PXN: variants seen among roughly 807,000 people sequenced by gnomAD.
The protein encoded by PXN is testicular tissue protein Li 134.
Under a neutral mutation model 103.6 loss-of-function variants are expected in PXN, and 61 were observed. The ratio of observed to expected loss-of-function variants is 0.59; its 90% CI spans 0.48 to 0.73. PXN has a LOEUF of 0.73. PXN is among the 30% of genes least tolerant of loss of function. The probability of loss-of-function intolerance (pLI) is 0.00; values close to 1 mark genes in which losing one functional copy is unlikely to be tolerated. For synonymous variants in PXN, 562 were observed against 607.8 expected (o/e 0.92, Z 1.11); for missense variants, 1,274 against 1,460.3 (o/e 0.87, Z 2.08).
intron 1 of PXN, among the ~76,000 whole-genome samples, chr12:120,233,153 G>A (rs955216602): frequency 2.0e-5 from 3 of 152,074 alleles, no homozygotes; most frequent in Non-Finnish European, 2.9e-5. Context: ...CCAATCTAAC[G>A]CTTCCTGCAC....
chr12:120,216,984 G>A lies in PXN; in HGVS notation c.1849C>T (p.Leu617=). 1 of 1,551,164 alleles carries A rather than the reference G, an allele frequency of 6.4e-7. No homozygotes were observed. The highest frequency in any genetic ancestry group is 1.9e-5 in the Admixed American group (1 of 52,770). ...GGCTGGATGCCCAGCCGCCCCTGCA[G>A]CTCCGCGATGAGCTGTTCCTGGGAT... The part of the protein sequence containing the change: ...TPSQEQLIAE[L]QGRLGIQPEA... The change falls in exon 8 of 15, where the codon CTG becomes TTG. Residue 617 remains leucine (L), a synonymous_variant. Transcript: ENST00000637617. The surrounding 1 kb of genome is among the most constrained non-coding windows in gnomAD (Gnocchi z 5.1).
At chr12:120,264,665 T>G (rs1336425517) in intron 1 of PXN, among the ~76,000 whole-genome samples, 1 of 152,220 alleles carries the variant, frequency 6.6e-6, no homozygotes, top group Non-Finnish European at 1.5e-5. Flanking sequence ...CTGTCCTCTT[T>G]CACCTGCGTG....
chr12:120,214,836 G>A lies in PXN; in HGVS notation c.2737C>T (p.Pro913Ser). The change falls in exon 12 of 15, where the codon CCC becomes TCC. Residue 913 changes from proline (P) to serine (S), a missense_variant. Around this residue, in one of 2 missense-constraint regions of PXN, gnomAD observed 1,178 missense variants for 1,309.0 expected, o/e 0.90. Coordinates refer to ENST00000637617, the MANE Select transcript of PXN (RefSeq NM_001385981.1). The surrounding 1 kb of genome is among the most constrained non-coding windows in gnomAD (Gnocchi z 5.0). ...GATGAGGAACTCACATCCAGGATGG[G>A]GCCGTTGCAGTAGTAGCAGCGCGGG... is the stretch of plus-strand genomic sequence containing the variant. Reference protein sequence around the residue: ...FSPRCYYCNGPILDKVVTALD... With the variant: ...FSPRCYYCNGSILDKVVTALD... The A allele has an allele frequency of 6.2e-7, 1 of 1,613,996 alleles. No homozygotes were observed. The highest frequency in any genetic ancestry group is 1.1e-5 in the South Asian group (1 of 91,084).
chr12:120,219,774 A>G lies in PXN; in HGVS notation c.1149T>C (p.Asp383=). Residue 383 remains aspartate (D), a synonymous_variant, in exon 7 of 15, where the codon GAT becomes GAC. Coordinates refer to ENST00000637617, the MANE Select transcript of PXN (RefSeq NM_001385981.1). The surrounding 1 kb of genome is among the most constrained non-coding windows in gnomAD (Gnocchi z 6.5). ...TTGTGATGGTCGGCAGGTGCCTCCAATCTCGACCCTGACTCTCTGTGCCCA... is the reference window on the plus strand; with the variant it reads ...TTGTGATGGTCGGCAGGTGCCTCCAGTCTCGACCCTGACTCTCTGTGCCCA... ...WAVGTESQGR[D]WRHLPTITSE... The G allele has an allele frequency of 1.3e-6, 2 of 1,598,046 alleles. No homozygotes were observed. Among genetic ancestry groups the G allele is most frequent in the Non-Finnish European group, 8.5e-7 (1 of 1,179,632 alleles).
chr12:120,257,271 G>A (rs146520758), intron 1 of PXN, among the ~76,000 whole-genome samples: 131 of 152,300 alleles, frequency 8.6e-4, no homozygotes, highest in African/African-American at 3.0e-3. Context: ...TGAATAAGCT[G>A]CATTCCATTT....
At position 120,216,877 on chromosome 12, in the gene PXN, T is replaced by C; in HGVS notation, c.1956A>G (p.Pro652=). The change falls in exon 8 of 15, where the codon CCA becomes CCG. Residue 652 remains proline, a synonymous_variant. Coordinates refer to ENST00000637617, the MANE Select transcript of PXN (RefSeq NM_001385981.1). This position sits in a 1 kb window ranked among gnomAD's most constrained non-coding sequence, Gnocchi z 5.1. The stretch of plus-strand genomic sequence containing the variant: ...GCTGCCCCCCGGCCCGCTTCCCACG[T>C]GGCTGCACAGTGATGATGACGCCCT... ...LTEGVIITVQ[P]RGKRAGGQLV... The C allele has an allele frequency of 6.6e-7, 1 of 1,515,922 alleles. No homozygotes were observed. The highest frequency in any genetic ancestry group is 8.8e-7 in the Non-Finnish European group (1 of 1,139,014). 93.9% of individuals were successfully genotyped at this position (1,515,922 alleles called of 1,614,324 possible). A position where few individuals can be genotyped will look rare whatever the true frequency, so the allele number is the denominator to read the frequency against.
At chr12:120,261,820 G>A (rs1253114204) in intron 1 of PXN, among the ~76,000 whole-genome samples, 1 of 152,236 alleles carries the variant, frequency 6.6e-6, no homozygotes, top group Non-Finnish European at 1.5e-5. Context: ...GGTTCCAGTA[G>A]GCTGAGCATT....
chr12:120,213,289 A>C lies in PXN; in HGVS notation c.2979+553T>G, dbSNP rs1225715782. 6.6e-6 allele frequency among the ~76,000 whole-genome samples: 1 copy of C among 152,208 alleles called. No individual in the cohort carries two copies. Among genetic ancestry groups the C allele is most frequent in the Non-Finnish European group, 1.5e-5 (1 of 68,032 alleles). ...CAGCTACTTGGGAGGCTGAGGCGGG[A>C]GAATCACTGGAACTCAGCAGGCAGA... On this transcript the variant is annotated intron_variant, in intron 14 of 14. Transcript: ENST00000637617. This position sits in a 1 kb window ranked among gnomAD's most constrained non-coding sequence, Gnocchi z 4.2.
At position 120,265,096 on chromosome 12, in the gene PXN, G is replaced by T. The variant is rs1427968643; in HGVS notation, c.13+521C>A. Among the ~76,000 whole-genome samples the T allele has an allele frequency of 6.6e-6, 1 of 152,006 alleles. No individual in the cohort carries two copies. The highest frequency in any genetic ancestry group is 1.5e-5 in the Non-Finnish European group (1 of 68,008). On this transcript the variant is annotated intron_variant, in intron 1 of 14. Transcript: ENST00000637617. This position sits in a 1 kb window ranked among gnomAD's most constrained non-coding sequence, Gnocchi z 5.7. ...TCCGAGGGGTTATCCCTGAAGGGGG[G>T]TGCTAGTCTGTGAAGTGGGGGGCGG...
chr12:120,223,852 T>C lies in PXN; in HGVS notation c.241-19A>G. On this transcript the variant is annotated intron_variant, in intron 2 of 14. Coordinates refer to ENST00000637617, the MANE Select transcript of PXN (RefSeq NM_001385981.1). ...ACTGAGGCTGCGAGAAGGAGAATGC[T>C]CAGAGGCTACCCCGAGGGGAGAAAA... 2 of 1,544,234 alleles carry C rather than the reference T, an allele frequency of 1.3e-6. No homozygotes were observed. The highest frequency in any genetic ancestry group is 1.8e-6 in the Non-Finnish European group (2 of 1,129,730).
intron 1 of PXN, among the ~76,000 whole-genome samples, chr12:120,240,414 T>A (rs2136499463): frequency 6.6e-6 from 1 of 152,282 alleles, no homozygotes; most frequent in Non-Finnish European, 1.5e-5. Flanking sequence ...AGTCTGACTC[T>A]CCCACAGTGG....
intron 1 of PXN, among the ~76,000 whole-genome samples, chr12:120,227,294 A>G (rs1887073534): frequency 6.6e-6 from 1 of 152,094 alleles, no homozygotes; most frequent in South Asian, 2.1e-4. Context: ...TGAGAACAGG[A>G]GTTGGAGATC....
chr12:120,230,993 G>C (rs929686692), intron 1 of PXN, among the ~76,000 whole-genome samples: 2 of 152,190 alleles, frequency 1.3e-5, no homozygotes, highest in African/African-American at 4.8e-5. Flanking sequence ...CATATCCCCA[G>C]CAGCTAGAAT....
intron 7 of PXN, among the ~76,000 whole-genome samples, chr12:120,218,354 G>GT (rs1566370003): frequency 1.3e-5 from 2 of 151,926 alleles, no homozygotes; most frequent in African/African-American, 4.8e-5. Flanking sequence ...GAGGCATAAA[G>GT]TTTTTTGTTG....
At chr12:120,235,307 G>A (rs1204311513) in intron 1 of PXN, among the ~76,000 whole-genome samples, 1 of 152,148 alleles carries the variant, frequency 6.6e-6, no homozygotes, top group East Asian at 1.9e-4. Flanking sequence ...CAAAGACGGG[G>A]CTGCGAGGCT....
chr12:120,218,250 C>T (rs1224689771), intron 7 of PXN, among the ~76,000 whole-genome samples: 1 of 151,664 alleles, frequency 6.6e-6, no homozygotes, highest in African/African-American at 2.4e-5. Flanking sequence ...CACTGTGTTG[C>T]CTAGGCTGGT....
In PXN at chr12:120,215,685, G is replaced by T. The variant is rs771918783; in HGVS notation, c.2302-24C>A. 2 of 1,572,568 alleles carry T rather than the reference G, an allele frequency of 1.3e-6. No homozygotes were observed. Among genetic ancestry groups the T allele is most frequent in the South Asian group, 2.3e-5 (2 of 86,346 alleles). ...ATCTTAGATAGGGGAAGAGATGAGGGTAAGAAATCTTTTTTAAAAATTAAG... is the reference window on the plus strand; with the variant it reads ...ATCTTAGATAGGGGAAGAGATGAGGTTAAGAAATCTTTTTTAAAAATTAAG... On this transcript the variant is annotated intron_variant, in intron 9 of 14. Coordinates refer to ENST00000637617, the MANE Select transcript of PXN (RefSeq NM_001385981.1). This position sits in a 1 kb window ranked among gnomAD's most constrained non-coding sequence, Gnocchi z 4.9.
chr12:120,221,072 G>A lies in PXN; in HGVS notation c.831+551C>T, dbSNP rs193174294. Among the ~76,000 whole-genome samples the A allele has an allele frequency of 3.2e-4, 49 of 152,288 alleles. No individual in the cohort carries two copies. The highest frequency in any genetic ancestry group is 2.9e-3 in the Admixed American group (45 of 15,302). ...TGGCCCCATGGTTTCCCACAGACAC[G>A]CTCGTGGGAACTCAGAGGCCCTGGA... On this transcript the variant is annotated intron_variant, in intron 6 of 14. Coordinates refer to ENST00000637617, the MANE Select transcript of PXN (RefSeq NM_001385981.1). The surrounding 1 kb of genome is among the most constrained non-coding windows in gnomAD (Gnocchi z 6.6).
chr12:120,219,145 G>A lies in PXN; in HGVS notation c.1716+62C>T, dbSNP rs956352561. 105 of 1,424,528 alleles carry A rather than the reference G, an allele frequency of 7.4e-5. No homozygotes were observed. The highest frequency in any genetic ancestry group is 7.1e-4 in the Admixed American group (27 of 38,088). The allele number at this position is 1,424,528 out of a possible 1,614,324, so 88.2% of individuals were successfully genotyped here. ...TGGGAGGCTGCATGCAGTTAGCGAG[G>A]AGCGGCCCACACTCAGACCCGCCAA... On this transcript the variant is annotated intron_variant, in intron 7 of 14. Transcript: ENST00000637617. This position sits in a 1 kb window ranked among gnomAD's most constrained non-coding sequence, Gnocchi z 6.5.
Sources: allele counts gnomAD v4.1 joint callset (sites outside exome capture counted in the v4.1 genomes callset), GRCh38; gene constraint gnomAD v4.1.1; regional missense constraint gnomAD v4.1.1; non-coding constraint Gnocchi (gnomAD v3.1); transcripts MANE v1.5; gene names NCBI Gene and HGNC (gene_info 2026-07-23, HGNC 2026-07-21).